The following IGF2R variants were observed in gnomAD, a reference collection of about 807,000 sequenced individuals.
The protein encoded by IGF2R is cation-independent mannose-6-phosphate receptor.
A neutral mutation model predicts 270.6 loss-of-function variants in IGF2R; 91 were observed. The observed-to-expected ratio is 0.34, with a 90% CI of 0.28 to 0.40. The LOEUF (loss-of-function observed/expected upper bound fraction) is 0.40, where lower values mean the gene tolerates loss of function less well. Ranked by LOEUF, IGF2R falls within the 10% of genes least tolerant of loss-of-function variation. The pLI is 1.00. For missense variants in IGF2R, 2,805 were observed against 3,188.3 expected (o/e 0.88, Z 2.90); for synonymous variants, 1,316 against 1,258.9 (o/e 1.05, Z -0.96).
intron 41 of IGF2R, among the ~76,000 whole-genome samples, chr6:160,087,141 G>T (rs1222824600): frequency 3.3e-5 from 5 of 152,088 alleles, no homozygotes; most frequent in Admixed American, 3.3e-4. Context: ...TTCTTTTAAT[G>T]GGTCACTTTT....
intron 1 of IGF2R, among the ~76,000 whole-genome samples, chr6:159,990,642 T>C (rs75921488): frequency 5.3e-5 from 8 of 151,736 alleles, no homozygotes; most frequent in Admixed American, 2.0e-4. Flanking sequence ...TTTTTTTTTT[T>C]CTTTGGAGAC....
chr6:160,073,330 G>A lies in IGF2R; in HGVS notation c.4808G>A (p.Gly1603Asp), dbSNP rs201529415. Residue 1603 changes from glycine to aspartate, a missense_variant, in exon 34 of 48, where the codon GGC becomes GAC. By Grantham distance (94) the Gly-to-Asp change is moderately conservative. Transcript: ENST00000356956. ...KDGSPCPSKSGLSYKSVISFV... is the reference protein window; with the variant it reads ...KDGSPCPSKSDLSYKSVISFV... ...GGGTCCCCTTGTCCCTCCAAATCCGGCCTGAGCTATAAGAGTGTGATCAGT... is the reference window on the plus strand; with the variant it reads ...GGGTCCCCTTGTCCCTCCAAATCCGACCTGAGCTATAAGAGTGTGATCAGT... 16 of 1,614,258 alleles carry A rather than the reference G, an allele frequency of 9.9e-6. 1 individual carries two copies. The East Asian group carries it at 3.6e-4, about 36-fold the overall frequency.
chr6:160,108,155 C>T lies in IGF2R; in HGVS notation c.*3071C>T, dbSNP rs936172576. On this transcript the variant is annotated 3_prime_UTR_variant, in exon 48 of 48. Coordinates refer to ENST00000356956, the MANE Select transcript of IGF2R (RefSeq NM_000876.4). ...ATCCCATGGCTCAGGGAGGTACACT[C>T]ATGTCCTTTCTTACTTCTCCGGTTC... 1 of 152,396 alleles carries T rather than the reference C, an allele frequency of 6.6e-6. No individual in the cohort carries two copies. The highest frequency in any genetic ancestry group is 2.1e-4 in the South Asian group (1 of 4,828). 9.4% of individuals were successfully genotyped at this position (152,396 alleles called of 1,614,324 possible). A position where few individuals can be genotyped will look rare whatever the true frequency, so the allele number is the denominator to read the frequency against.
rs1448408789 is a variant in IGF2R, at chr6:160,105,377, AG to A, written c.*294del. 6.6e-6 allele frequency: 2 copies of A among 304,860 alleles called. No individual in the cohort carries two copies. Among genetic ancestry groups the A allele is most frequent in the African/African-American group, 4.3e-5 (2 of 47,024 alleles). 18.9% of individuals were successfully genotyped at this position (304,860 alleles called of 1,614,324 possible). A position where few individuals can be genotyped will look rare whatever the true frequency, so the allele number is the denominator to read the frequency against. ...CATAAGGCCGGACGCATCTCAAAACAGAGGGCTGCATTCGAAGAAACCCTTG... is the reference window on the plus strand; with the variant it reads ...CATAAGGCCGGACGCATCTCAAAACAAGGGCTGCATTCGAAGAAACCCTTG... On this transcript the variant is annotated 3_prime_UTR_variant, in exon 48 of 48. Coordinates refer to ENST00000356956, the MANE Select transcript of IGF2R (RefSeq NM_000876.4).
At position 160,073,940 on chromosome 6, in the gene IGF2R, G is replaced by A. The variant is rs975701822; in HGVS notation, c.5131G>A (p.Ala1711Thr). ...CGGAGTGCCCTGTCCTGCCGGAGCC[G>A]CTGTGTGCAAAGTTCCTATTGATGG... is the stretch of plus-strand genomic sequence containing the variant. The part of the protein sequence containing the change: ...MHGVPCPAGA[A>T]VCKVPIDGPP... The change falls in exon 35 of 48, where the codon GCT (alanine) becomes ACT (threonine). Residue 1711 changes from alanine (A) to threonine (T), a missense_variant. Ala to Thr is a moderately conservative substitution (Grantham distance 58). This residue lies in a region of IGF2R where 1,851 missense variants were observed against 2,207.2 expected (regional missense o/e 0.84). Transcript: ENST00000356956. 7 of 1,613,398 alleles carry A rather than the reference G, an allele frequency of 4.3e-6. No individual in the cohort carries two copies. The highest frequency in any genetic ancestry group is 4.2e-6 in the Non-Finnish European group (5 of 1,179,632).
At chr6:160,090,598 A>G (rs553835326) in intron 44 of IGF2R, among the ~76,000 whole-genome samples, 1 of 152,372 alleles carries the variant, frequency 6.6e-6, no homozygotes, top group Non-Finnish European at 1.5e-5. Context: ...AACTGGCACT[A>G]ATAAGGGTGT....
intron 19 of IGF2R, among the ~76,000 whole-genome samples, chr6:160,051,369 A>T (rs891979565): frequency 5.9e-5 from 9 of 152,180 alleles, no homozygotes; most frequent in African/African-American, 1.9e-4. Context: ...TGTGGGATAG[A>T]TAATGAGATT....
In IGF2R at chr6:160,108,110, T is replaced by C. The variant is rs1292934029; in HGVS notation, c.*3026T>C. 4 of 152,266 alleles carry C rather than the reference T, an allele frequency of 2.6e-5. No homozygotes were observed. The highest frequency in any genetic ancestry group is 1.3e-4 in the Admixed American group (2 of 15,286). 9.4% of individuals were successfully genotyped at this position (152,266 alleles called of 1,614,324 possible). The stretch of plus-strand genomic sequence containing the variant: ...GGACGAGACTGGATTTCTGGAAATA[T>C]CCTTTACTGACTCTGAAGAATCCCA... On this transcript the variant is annotated 3_prime_UTR_variant, in exon 48 of 48. Coordinates refer to ENST00000356956, the MANE Select transcript of IGF2R (RefSeq NM_000876.4).
At chr6:160,011,566 T>TG in intron 4 of IGF2R, among the ~76,000 whole-genome samples, 1 of 151,918 alleles carries the variant, frequency 6.6e-6, no homozygotes, top group East Asian at 1.9e-4. Context: ...TTTTTTTTTT[T>TG]TTGTGAGGAC....
At chr6:160,091,777 A>G (rs994544859) in intron 44 of IGF2R, among the ~76,000 whole-genome samples, 8 of 152,198 alleles carry the variant, frequency 5.3e-5, no homozygotes, top group African/African-American at 1.9e-4. Flanking sequence ...TAAAGGAAGG[A>G]AGGAAGGATT....
intron 44 of IGF2R, chr6:160,094,279 C>A: frequency 7.0e-6 from 2 of 285,564 alleles, no homozygotes; most frequent in Non-Finnish European, 1.4e-5. Flanking sequence ...GAATGCCACA[C>A]ATCCATCCAG....
At chr6:160,022,641 C>T (rs1777464832) in intron 4 of IGF2R, among the ~76,000 whole-genome samples, 1 of 152,190 alleles carries the variant, frequency 6.6e-6, no homozygotes, top group Non-Finnish European at 1.5e-5. Flanking sequence ...CTTTAGCCTG[C>T]AGTGACAAAC....
Position 160,073,461 on chromosome 6 carries a change from G to A in IGF2R, c.4939G>A (p.Glu1647Lys), listed in dbSNP as rs1485233873. Reference protein sequence around the residue: ...FFSWHTPLACEQATECSVRNG... With the variant: ...FFSWHTPLACKQATECSVRNG... ...CTCCTGGCACACGCCGCTGGCCTGC[G>A]AGCAAGCGGTGAGTTTTCAGATGGG... Residue 1647 changes from glutamate (E) to lysine (K), a missense_variant, in exon 34 of 48, where the codon GAG (glutamate) becomes AAG (lysine). Physicochemically the swap from Glu to Lys is moderately conservative, Grantham distance 56 (BLOSUM62 1). Around this residue, in one of 2 missense-constraint regions of IGF2R, gnomAD observed 1,851 missense variants for 2,207.2 expected, o/e 0.84. Transcript: ENST00000356956. The A allele has an allele frequency of 3.7e-6, 6 of 1,614,186 alleles. No individual in the cohort carries two copies. The highest frequency in any genetic ancestry group is 2.2e-5 in the East Asian group (1 of 44,888).
At chr6:160,044,743 G>A in intron 13 of IGF2R, 86 bp downstream of exon 13, 4 of 1,059,456 alleles carry the variant, frequency 3.8e-6, no homozygotes, top group Non-Finnish European at 5.5e-6. Flanking sequence ...ATCAGTCACT[G>A]CAAAGCTGAT....
Position 160,107,989 on chromosome 6 carries a change from A to G in IGF2R, c.*2905A>G, listed in dbSNP as rs997912643. 2.6e-5 allele frequency: 4 copies of G among 152,230 alleles called. No individual in the cohort carries two copies. The highest frequency in any genetic ancestry group is 9.6e-5 in the African/African-American group (4 of 41,452). 9.4% of individuals were successfully genotyped at this position (152,230 alleles called of 1,614,324 possible). ...AGAACACTTTGGGCTGGTCCGATCCATTGTACAAGTTAAAGCACTGATGGG... is the reference window on the plus strand; with the variant it reads ...AGAACACTTTGGGCTGGTCCGATCCGTTGTACAAGTTAAAGCACTGATGGG... On this transcript the variant is annotated 3_prime_UTR_variant, in exon 48 of 48. Coordinates refer to ENST00000356956, the MANE Select transcript of IGF2R (RefSeq NM_000876.4).
In IGF2R at chr6:160,104,957, G is replaced by C; in HGVS notation, c.7349G>C (p.Arg2450Thr). The stretch of plus-strand genomic sequence containing the variant: ...GCCCTTCAGGAGCGTGAGGACGATA[G>C]GGTGGGGCTGGTCAGGGGTGAGAAG... ...SNALQEREDD[R>T]VGLVRGEKAR... The change falls in exon 48 of 48, where the codon AGG (arginine) becomes ACG (threonine). Residue 2450 changes from arginine to threonine, a missense_variant. Around this residue, in one of 2 missense-constraint regions of IGF2R, gnomAD observed 1,851 missense variants for 2,207.2 expected, o/e 0.84. Coordinates refer to ENST00000356956, the MANE Select transcript of IGF2R (RefSeq NM_000876.4). 6.2e-7 allele frequency: 1 copy of C among 1,614,124 alleles called. No individual in the cohort carries two copies. Among genetic ancestry groups the C allele is most frequent in the Non-Finnish European group, 8.5e-7 (1 of 1,180,018 alleles).
chr6:160,102,410 T>G lies in IGF2R; in HGVS notation c.6843-109T>G, dbSNP rs1779506814. On this transcript the variant is annotated intron_variant, in intron 45 of 47. Coordinates refer to ENST00000356956, the MANE Select transcript of IGF2R (RefSeq NM_000876.4). The surrounding 1 kb of genome is among the most constrained non-coding windows in gnomAD (Gnocchi z 4.5). ...CTGGGCAGGAGTAAGAATCACATGG[T>G]GTTGGGAAAGTCAGAGCTGCTCTTG... is the stretch of plus-strand genomic sequence containing the variant. The G allele has an allele frequency of 8.5e-7, 1 of 1,179,404 alleles. No individual in the cohort carries two copies. The highest frequency in any genetic ancestry group is 1.4e-5 in the South Asian group (1 of 71,558). 73.1% of individuals were successfully genotyped at this position (1,179,404 alleles called of 1,614,324 possible). A position where few individuals can be genotyped will look rare whatever the true frequency, so the allele number is the denominator to read the frequency against.
At chr6:160,090,613 C>G (rs1376670553) in intron 44 of IGF2R, among the ~76,000 whole-genome samples, 1 of 152,174 alleles carries the variant, frequency 6.6e-6, no homozygotes, top group Non-Finnish European at 1.5e-5. Context: ...GGGTGTTGCC[C>G]TTTGTTCCCT....
rs374448811 is a variant in IGF2R, at chr6:160,068,295, A to C, written c.4162A>C (p.Ser1388Arg). 1.9e-6 allele frequency: 3 copies of C among 1,614,266 alleles called. No individual in the cohort carries two copies. Among genetic ancestry groups the C allele is most frequent in the Non-Finnish European group, 2.5e-6 (3 of 1,180,040 alleles). The change falls in exon 30 of 48, where the codon AGT (serine) becomes CGT (arginine). Residue 1388 changes from serine to arginine, a missense_variant. Ser to Arg is a moderately radical substitution (Grantham distance 110). Coordinates refer to ENST00000356956, the MANE Select transcript of IGF2R (RefSeq NM_000876.4). ...SFDLSSLSRY[S>R]DNWEAITGTG... ...CGACCTCTCGTCCCTGTCAAGGTACAGTGACAACTGGGAAGCCATCACTGG... is the reference window on the plus strand; with the variant it reads ...CGACCTCTCGTCCCTGTCAAGGTACCGTGACAACTGGGAAGCCATCACTGG...
Sources: allele counts gnomAD v4.1 joint callset (sites outside exome capture counted in the v4.1 genomes callset), GRCh38; gene constraint gnomAD v4.1.1; regional missense constraint gnomAD v4.1.1; non-coding constraint Gnocchi (gnomAD v3.1); transcripts MANE v1.5; gene names NCBI Gene and HGNC (gene_info 2026-07-23, HGNC 2026-07-21).